The following MAP1S variants were observed in gnomAD, a reference collection of about 807,000 sequenced individuals.
The protein encoded by MAP1S is microtubule associated protein 1S.
MAP1S carries 27 observed loss-of-function variants against 60.9 expected under a neutral mutation model. That is an observed-to-expected ratio of 0.44 (90% confidence interval 0.33 to 0.61). The LOEUF (loss-of-function observed/expected upper bound fraction) is 0.61. Ranked by LOEUF, MAP1S falls within the 20% of genes least tolerant of loss-of-function variation. MAP1S has a pLI of 0.03. For synonymous variants in MAP1S, 826 were observed against 694.2 expected (o/e 1.19, Z -2.98); for missense variants, 1,608 against 1,486.6 (o/e 1.08, Z -1.34).
Position 17,720,292 on chromosome 19 carries a change from G to A in MAP1S, c.119-644G>A, listed in dbSNP as rs1599450543. On this transcript the variant is annotated intron_variant, in intron 1 of 6. Coordinates refer to ENST00000324096, the MANE Select transcript of MAP1S (RefSeq NM_018174.6). ...ATCTGGACCTGGCGTTTCATTGCAT[G>A]TAAAATGGGACAGGAACACGCACCT... 3.5e-6 allele frequency: 5 copies of A among 1,431,906 alleles called. No homozygotes were observed. In the East Asian group the frequency reaches 1.1e-4, roughly 32 times the overall value. The allele number at this position is 1,431,906 out of a possible 1,614,324, so 88.7% of individuals were successfully genotyped here.
At chr19:17,734,226 C>G (rs2080518533) in intron 6 of MAP1S, 47 bp from the exon 7 acceptor site, 2 of 1,547,416 alleles carry the variant, frequency 1.3e-6, no homozygotes, top group African/African-American at 1.4e-5. Context: ...GGGGCACCCC[C>G]CTCACTGGTG....
chr19:17,727,468 A>G lies in MAP1S; in HGVS notation c.2084A>G (p.Asp695Gly), dbSNP rs1193405029. Residue 695 changes from aspartate (D) to glycine (G), a missense_variant, in exon 5 of 7, where the codon GAC becomes GGC. Physicochemically the swap from Asp to Gly is moderately conservative, Grantham distance 94. Coordinates refer to ENST00000324096, the MANE Select transcript of MAP1S (RefSeq NM_018174.6). This position sits in a 1 kb window ranked among gnomAD's most constrained non-coding sequence, Gnocchi z 4.1. The part of the protein sequence containing the change: ...EVGSPHSTEV[D>G]ESLSVSFEQV... ...GGCTCCCCGCACTCGACCGAGGTGG[A>G]CGAGTCCCTGTCGGTGTCCTTTGAG... 1.9e-6 allele frequency: 3 copies of G among 1,608,224 alleles called. No homozygotes were observed. Among genetic ancestry groups the G allele is most frequent in the Non-Finnish European group, 1.7e-6 (2 of 1,177,906 alleles).
intron 3 of MAP1S, 78 bp from the exon 4 acceptor site, chr19:17,724,971 C>G (rs932502916): frequency 7.6e-6 from 12 of 1,589,144 alleles, no homozygotes; most frequent in Non-Finnish European, 9.5e-6. Context: ...TATGTATCGA[C>G]TCGAGGCTAC....
chr19:17,722,303 T>C (rs932773317), intron 2 of MAP1S, among the ~76,000 whole-genome samples: 3 of 152,186 alleles, frequency 2.0e-5, no homozygotes, highest in Non-Finnish European at 4.4e-5. Context: ...AATGCAAAAA[T>C]GAGCTGGACC....
rs1555705517 is a variant in MAP1S at position 17,726,945 on chromosome 19, A to AC, written c.1567dup (p.Arg523ProfsTer120). The AC allele has an allele frequency of 5.7e-6, 9 of 1,570,726 alleles. No individual in the cohort carries two copies. The highest frequency in any genetic ancestry group is 3.5e-6 in the Non-Finnish European group (4 of 1,159,012). ...ACGCAAGACTGAGAAAGAAGCCAAG[A>AC]CCCCCCGGGAGTTGAAGAAAGACCC... is the stretch of plus-strand genomic sequence containing the variant. On this transcript the variant is annotated frameshift_variant, in exon 5 of 7. Transcript: ENST00000324096. LOFTEE classifies it high-confidence loss of function.
At chr19:17,733,499 C>A in intron 6 of MAP1S, 71 bp downstream of exon 6, 2 of 1,295,286 alleles carry the variant, frequency 1.5e-6, no homozygotes, top group Non-Finnish European at 2.1e-6. Context: ...CCTCGACCCT[C>A]AGAGACTAAG....
chr19:17,728,884 ACCT>A (rs1444771801), intron 5 of MAP1S: 2 of 151,978 alleles, frequency 1.3e-5, no homozygotes, highest in Non-Finnish European at 2.9e-5. Context: ...TTACTTCGTG[ACCT>A]CAGCCGTGCC....
At chr19:17,721,504 C>G (rs1370323915) in intron 2 of MAP1S, 1 of 241,656 alleles carries the variant, frequency 4.1e-6, no homozygotes, top group Admixed American at 5.2e-5. Flanking sequence ...TGGAGGAACC[C>G]TGTCTCTACT....
At chr19:17,731,425 G>T (rs2145980511) in intron 5 of MAP1S, among the ~76,000 whole-genome samples, 1 of 152,292 alleles carries the variant, frequency 6.6e-6, no homozygotes, top group South Asian at 2.1e-4. Context: ...TACATGTGAT[G>T]ATTTATTTCC....
chr19:17,731,535 G>A (rs2080493377), intron 5 of MAP1S, among the ~76,000 whole-genome samples: 1 of 152,190 alleles, frequency 6.6e-6, no homozygotes, highest in African/African-American at 2.4e-5. Context: ...AAATCTGGAA[G>A]TGTGAGTCCT....
rs765585486 is a variant in MAP1S at position 17,728,106 on chromosome 19, A to G, written c.2722A>G (p.Lys908Glu). The G allele has an allele frequency of 2.5e-6, 4 of 1,611,372 alleles. No homozygotes were observed. Among genetic ancestry groups the G allele is most frequent in the Admixed American group, 1.7e-5 (1 of 59,814 alleles). Residue 908 changes from lysine (K) to glutamate (E), a missense_variant, in exon 5 of 7, where the codon AAG becomes GAG. Physicochemically the swap from Lys to Glu is moderately conservative, Grantham distance 56. This residue lies in a region of MAP1S where 1,167 missense variants were observed against 961.4 expected (regional missense o/e 1.21). Coordinates refer to ENST00000324096, the MANE Select transcript of MAP1S (RefSeq NM_018174.6). ...PLSARSEPSE[K>E]GGRAPLSRKS... ...CAGTGCCCGGAGTGAGCCCAGTGAG[A>G]AGGGAGGCCGGGCACCCCTGTCCAG...
At position 17,727,294 on chromosome 19, in the gene MAP1S, G is replaced by T. The variant is rs774928303; in HGVS notation, c.1910G>T (p.Arg637Leu). The part of the protein sequence containing the change: ...PLAASSIPRP[R>L]TPSPESHRSP... ...GCCGCCAGCTCAATCCCAAGGCCAC[G>T]CACACCCTCCCCTGAGTCCCACCGG... Residue 637 changes from arginine (R) to leucine (L), a missense_variant, in exon 5 of 7, where the codon CGC becomes CTC. Arg to Leu is a moderately radical substitution (Grantham distance 102). This residue lies in a region of MAP1S where 1,167 missense variants were observed against 961.4 expected (regional missense o/e 1.21). Transcript: ENST00000324096. The surrounding 1 kb of genome is among the most constrained non-coding windows in gnomAD (Gnocchi z 4.1). 1.3e-6 allele frequency: 2 copies of T among 1,589,638 alleles called. No individual in the cohort carries two copies. Among genetic ancestry groups the T allele is most frequent in the Non-Finnish European group, 1.7e-6 (2 of 1,173,296 alleles).
In MAP1S at chr19:17,727,421, G is replaced by C. The variant is rs200808344; in HGVS notation, c.2037G>C (p.Thr679=). The C allele has an allele frequency of 2.5e-6, 4 of 1,600,238 alleles. No homozygotes were observed. In the East Asian group the frequency reaches 9.1e-5, roughly 36 times the overall value. Residue 679 remains threonine, a synonymous_variant, in exon 5 of 7, where the codon ACG becomes ACC. Coordinates refer to ENST00000324096, the MANE Select transcript of MAP1S (RefSeq NM_018174.6). This position sits in a 1 kb window ranked among gnomAD's most constrained non-coding sequence, Gnocchi z 4.1. ...CAGTGACCACACCCACGGTGACCAC[G>C]CCCTCACTACCCGCAGAGGTGGGCT... ...SPTVTTPTVT[T]PSLPAEVGSP... is the part of the protein sequence containing the mutation.
In MAP1S at chr19:17,728,085, G is replaced by T; in HGVS notation, c.2701G>T (p.Ala901Ser). 1.2e-6 allele frequency: 2 copies of T among 1,612,850 alleles called. No individual in the cohort carries two copies. Among genetic ancestry groups the T allele is most frequent in the Non-Finnish European group, 8.5e-7 (1 of 1,179,908 alleles). ...GGACCGTGCCAGCCGACCACTCAGT[G>T]CCCGGAGTGAGCCCAGTGAGAAGGG... ...GGDRASRPLS[A>S]RSEPSEKGGR... is the part of the protein sequence containing the mutation. Residue 901 changes from alanine to serine, a missense_variant, in exon 5 of 7, where the codon GCC becomes TCC. Physicochemically the swap from Ala to Ser is moderately conservative, Grantham distance 99. Transcript: ENST00000324096.
At chr19:17,728,337 A>T (rs2145978280) in intron 5 of MAP1S, among the ~76,000 whole-genome samples, 165 bp downstream of exon 5, 1 of 152,216 alleles carries the variant, frequency 6.6e-6, no homozygotes, top group East Asian at 1.9e-4. Context: ...GCAGCCTTGA[A>T]CAATGGGGCT....
In MAP1S at chr19:17,721,064, C is replaced by G. The variant is rs370662303; in HGVS notation, c.220+27C>G. 21 of 1,580,800 alleles carry G rather than the reference C, an allele frequency of 1.3e-5. No individual in the cohort carries two copies. The African/African-American group carries it at 2.7e-4, about 20-fold the overall frequency. On this transcript the variant is annotated intron_variant, in intron 2 of 6. Transcript: ENST00000324096. ...TGAGGCTGGGGTCCCCCTGACTGCT[C>G]CCTACCTCTTGTTATTTGGGGAAGT...
chr19:17,720,338 T>G (rs1363196520), intron 1 of MAP1S: 1 of 1,504,506 alleles, frequency 6.6e-7, no homozygotes, highest in Non-Finnish European at 8.8e-7. Flanking sequence ...GCTTGAGGAG[T>G]GTTTAGTGAG....
intron 1 of MAP1S, chr19:17,720,411 G>GAA (rs2080360083): frequency 3.3e-6 from 5 of 1,535,208 alleles, no homozygotes; most frequent in South Asian, 1.2e-5. Context: ...TGATAGACAG[G>GAA]TTCAGCCCTG....
At position 17,734,413 on chromosome 19, in the gene MAP1S, C is replaced by A; in HGVS notation, c.3165C>A (p.Cys1055Ter). Residue 1055 changes from cysteine to a stop codon, truncating the protein, a stop_gained, in exon 7 of 7, where the codon TGC (cysteine) becomes TGA (stop). Coordinates refer to ENST00000324096, the MANE Select transcript of MAP1S (RefSeq NM_018174.6). LOFTEE classifies it high-confidence loss of function. ...VSMQDDAFPA[C>*]KVEF ...TGCAGGATGACGCCTTCCCGGCCTG[C>A]AAGGTGGAGTTCTAGCCCCATCGCC... 6.2e-7 allele frequency: 1 copy of A among 1,612,380 alleles called. No individual in the cohort carries two copies. Among genetic ancestry groups the A allele is most frequent in the Non-Finnish European group, 8.5e-7 (1 of 1,179,718 alleles).
Sources: allele counts gnomAD v4.1 joint callset (sites outside exome capture counted in the v4.1 genomes callset), GRCh38; gene constraint gnomAD v4.1.1; regional missense constraint gnomAD v4.1.1; non-coding constraint Gnocchi (gnomAD v3.1); transcripts MANE v1.5; gene names NCBI Gene and HGNC (gene_info 2026-07-23, HGNC 2026-07-21).